Variants in MECOM observed in about 807,000 individuals in gnomAD.
MECOM encodes the protein histone-lysine N-methyltransferase MECOM.
MECOM carries 13 observed loss-of-function variants against 116.3 expected under a neutral mutation model. The ratio of observed to expected loss-of-function variants is 0.11; its 90% CI spans 0.07 to 0.18. MECOM has a LOEUF of 0.18. Ranked by LOEUF, MECOM falls within the 10% of genes least tolerant of loss-of-function variation. The probability of loss-of-function intolerance (pLI) is 1.00; values close to 1 mark genes in which losing one functional copy is unlikely to be tolerated. For synonymous variants in MECOM, 528 were observed against 535.2 expected, an observed-to-expected ratio of 0.99 and a Z score of 0.19; for missense variants, 1,299 against 1,509.0, an observed-to-expected ratio of 0.86 and a Z score of 2.31.
intron 2 of MECOM, among the ~76,000 whole-genome samples, chr3:169,154,557 C>T (rs2149333136): frequency 6.6e-6 from 1 of 152,266 alleles, no homozygotes; most frequent in Non-Finnish European, 1.5e-5. Flanking sequence ...TTCACTCTCC[C>T]ACCAGTTTAA....
At chr3:169,212,578 T>G (rs1750867163) in intron 2 of MECOM, among the ~76,000 whole-genome samples, 1 of 146,610 alleles carries the variant, frequency 6.8e-6, no homozygotes, top group Admixed American at 6.9e-5. Context: ...ATGTTAAATC[T>G]ATTCCAAAGC....
At chr3:169,483,197 TTTTTA>T (rs1180328812) in intron 1 of MECOM, among the ~76,000 whole-genome samples, 5 of 101,358 alleles carry the variant, frequency 4.9e-5, no homozygotes, top group South Asian at 3.2e-4. Flanking sequence ...TTTATTTTTA[TTTTTA>T]TTTTTTTTTT....
At chr3:169,627,129 A>T (rs1431951366) in intron 1 of MECOM, among the ~76,000 whole-genome samples, 2 of 152,212 alleles carry the variant, frequency 1.3e-5, no homozygotes, top group African/African-American at 4.8e-5. Flanking sequence ...CCCCTTAAAC[A>T]ATGCTAATGT....
At chr3:169,456,333 T>C (rs1287321501) in intron 1 of MECOM, among the ~76,000 whole-genome samples, 1 of 152,178 alleles carries the variant, frequency 6.6e-6, no homozygotes, top group Non-Finnish European at 1.5e-5. Flanking sequence ...GTGATCATTG[T>C]CACGAAATTC....
intron 2 of MECOM, among the ~76,000 whole-genome samples, chr3:169,299,903 G>T (rs1191874481): frequency 2.6e-5 from 4 of 152,118 alleles, no homozygotes; most frequent in Non-Finnish European, 5.9e-5. Flanking sequence ...CTATGAATGT[G>T]GATAAGTATT....
chr3:169,354,953 A>G (rs1425264522), intron 2 of MECOM, among the ~76,000 whole-genome samples: 4 of 151,900 alleles, frequency 2.6e-5, no homozygotes, highest in African/African-American at 7.2e-5. Flanking sequence ...TGATTAGAGC[A>G]GCTCTGCACA....
intron 1 of MECOM, among the ~76,000 whole-genome samples, chr3:169,430,764 AT>A (rs927165789): frequency 1.1e-4 from 16 of 152,310 alleles, no homozygotes; most frequent in Admixed American, 3.9e-4. Flanking sequence ...TATACCAGCC[AT>A]CTAGTACCAA....
intron 2 of MECOM, among the ~76,000 whole-genome samples, chr3:169,308,574 T>C (rs1424479523): frequency 6.6e-6 from 1 of 152,264 alleles, no homozygotes; most frequent in Non-Finnish European, 1.5e-5. Context: ...AATATATTTA[T>C]AAATTTAAAG....
intron 2 of MECOM, among the ~76,000 whole-genome samples, chr3:169,252,659 C>T (rs1756390824): frequency 6.6e-6 from 1 of 152,080 alleles, no homozygotes; most frequent in South Asian, 2.1e-4. Flanking sequence ...AAATCTGACA[C>T]ACCAAACCTG....
At chr3:169,513,736 C>T (rs1490899810) in intron 1 of MECOM, among the ~76,000 whole-genome samples, 2 of 152,184 alleles carry the variant, frequency 1.3e-5, no homozygotes, top group African/African-American at 4.8e-5. Flanking sequence ...GTACTAAGTA[C>T]AATTTAAAGA....
chr3:169,211,453 T>C (rs780829189), intron 2 of MECOM, among the ~76,000 whole-genome samples: 5 of 152,190 alleles, frequency 3.3e-5, no homozygotes, highest in Non-Finnish European at 5.9e-5. Flanking sequence ...AGTGATCTCC[T>C]CATTCTTCTG....
At chr3:169,333,498 T>C (rs982093202) in intron 2 of MECOM, among the ~76,000 whole-genome samples, 3 of 152,128 alleles carry the variant, frequency 2.0e-5, no homozygotes, top group African/African-American at 7.2e-5. Flanking sequence ...GATCTCTTCT[T>C]ATTTTCAAGG....
At chr3:169,107,850 A>G in intron 10 of MECOM, 76 bp downstream of exon 10, 1 of 1,238,796 alleles carries the variant, frequency 8.1e-7, no homozygotes, top group Non-Finnish European at 1.2e-6. Flanking sequence ...TTATGTCTGT[A>G]CAGCAATTTA....
intron 1 of MECOM, among the ~76,000 whole-genome samples, chr3:169,463,733 T>C (rs1452584196): frequency 6.6e-6 from 1 of 152,162 alleles, no homozygotes; most frequent in African/African-American, 2.4e-5. Context: ...TTTTTTTCAT[T>C]TCTCCAATTG....
intron 12 of MECOM, among the ~76,000 whole-genome samples, chr3:169,097,817 T>TATATAAAAAAAAAAAAAAAA (rs1553818439): frequency 1.1e-5 from 1 of 87,194 alleles, no homozygotes; most frequent in East Asian, 5.0e-4. Flanking sequence ...ACTGTCTATA[T>TATATAAAAAAAAAAAAAAAA]AAAAAAAAAA....
intron 1 of MECOM, among the ~76,000 whole-genome samples, chr3:169,599,087 G>A (rs1314694266): frequency 6.6e-6 from 1 of 152,162 alleles, no homozygotes; most frequent in African/African-American, 2.4e-5. Flanking sequence ...ATCATTCAGG[G>A]TTTTGATAAA....
intron 2 of MECOM, among the ~76,000 whole-genome samples, chr3:169,168,226 G>T (rs916398764): frequency 1.3e-5 from 2 of 151,102 alleles, no homozygotes; most frequent in Non-Finnish European, 2.9e-5. Context: ...TTGTTTATTT[G>T]TTTTTAGAGA....
chr3:169,476,206 G>T (rs1750346354), intron 1 of MECOM, among the ~76,000 whole-genome samples: 1 of 152,184 alleles, frequency 6.6e-6, no homozygotes, highest in Non-Finnish European at 1.5e-5. Context: ...AAAATGAAAT[G>T]ATAGCATATG....
At chr3:169,352,097 AT>A (rs1726429228) in intron 2 of MECOM, among the ~76,000 whole-genome samples, 2 of 151,908 alleles carry the variant, frequency 1.3e-5, no homozygotes, top group South Asian at 4.2e-4. Context: ...TTTTATTTTT[AT>A]TTTTTAGCTA....
Sources: gnomAD v4.1 joint callset for allele counts (sites outside exome capture counted in the v4.1 genomes callset) on GRCh38, gnomAD v4.1.1 for gene constraint, MANE v1.5 for transcripts, NCBI Gene and HGNC (gene_info 2026-07-23, HGNC 2026-07-21) for gene names.